Variants in PNPLA8 observed in about 807,000 individuals in gnomAD.
PNPLA8 encodes calcium-independent phospholipase A2-gamma.
PNPLA8 carries 39 observed loss-of-function variants against 76.9 expected under a neutral mutation model. The ratio of observed to expected loss-of-function variants is 0.51; its 90% CI spans 0.39 to 0.66. PNPLA8 has a LOEUF of 0.66. Ranked by LOEUF, PNPLA8 falls within the 30% of genes least tolerant of loss-of-function variation. PNPLA8 has a pLI of 0.00. For synonymous variants in PNPLA8, 301 were observed against 307.9 expected (o/e 0.98, Z 0.24); for missense variants, 887 against 918.0 (o/e 0.97, Z 0.44).
At chr7:108,507,758 A>C (rs1240406884) in intron 4 of PNPLA8, among the ~76,000 whole-genome samples, 1 of 152,206 alleles carries the variant, frequency 6.6e-6, no homozygotes, top group Non-Finnish European at 1.5e-5. Flanking sequence ...GCAACACCTT[A>C]CTTTGAAAAC....
intron 1 of PNPLA8, among the ~76,000 whole-genome samples, chr7:108,524,205 A>G (rs1863929732): frequency 6.6e-6 from 1 of 152,222 alleles, no homozygotes; most frequent in Non-Finnish European, 1.5e-5. Flanking sequence ...GGGATCAGGC[A>G]ACCTGAGTAA....
chr7:108,481,033 G>C lies in PNPLA8; in HGVS notation c.1879-1654C>G, dbSNP rs541454823. ...GAGCATGTCATCGAGACTAATCCAA[G>C]TAGTTGCATGTATCAATAGTTTACT... is the stretch of plus-strand genomic sequence containing the variant. On this transcript the variant is annotated intron_variant, in intron 9 of 10. Coordinates refer to ENST00000257694, the MANE Select transcript of PNPLA8 (RefSeq NM_001256007.3). Among the ~76,000 whole-genome samples, 6 of 152,142 alleles carry C rather than the reference G, an allele frequency of 3.9e-5. No individual in the cohort carries two copies. In the South Asian group the frequency reaches 1.2e-3, roughly 31 times the overall value.
At chr7:108,473,997 T>C (rs1859803308) in intron 10 of PNPLA8, among the ~76,000 whole-genome samples, 6 of 151,998 alleles carry the variant, frequency 3.9e-5, no homozygotes. Flanking sequence ...CAGCCTATTA[T>C]TTTATATATA....
rs1859664944 is a variant in PNPLA8, at chr7:108,472,121, A to G, written c.*280T>C. On this transcript the variant is annotated 3_prime_UTR_variant, in exon 11 of 11. Transcript: ENST00000257694. ...ATATATTAATATATTTTCAAACATC[A>G]AACAATATAACACCAATATCTACTA... is the stretch of plus-strand genomic sequence containing the variant. 4.4e-6 allele frequency: 1 copy of G among 227,092 alleles called. No individual in the cohort carries two copies. Among genetic ancestry groups the G allele is most frequent in the African/African-American group, 2.3e-5 (1 of 44,170 alleles). 14.1% of individuals were successfully genotyped at this position (227,092 alleles called of 1,614,324 possible). A position where few individuals can be genotyped will look rare whatever the true frequency, so the allele number is the denominator to read the frequency against.
In PNPLA8 at chr7:108,506,922, G is replaced by A. The variant is rs141423876; in HGVS notation, c.1207-4280C>T. 9.9e-5 allele frequency among the ~76,000 whole-genome samples: 15 copies of A among 152,132 alleles called. No individual in the cohort carries two copies. The East Asian group carries it at 1.9e-3, about 20-fold the overall frequency. On this transcript the variant is annotated intron_variant, in intron 4 of 10. Transcript: ENST00000257694. The stretch of plus-strand genomic sequence containing the variant: ...AAAAATCATGGAACTGTAAACTTAC[G>A]ATTTGTGTTGTTCTCTATATATAAT...
At chr7:108,480,976 T>C (rs1391624323) in intron 9 of PNPLA8, among the ~76,000 whole-genome samples, 1 of 137,994 alleles carries the variant, frequency 7.2e-6, no homozygotes, top group Non-Finnish European at 1.6e-5. Context: ...AATAATACAG[T>C]ATGGGACTTC....
intron 10 of PNPLA8, among the ~76,000 whole-genome samples, chr7:108,477,340 T>G (rs377569143): frequency 1.3e-5 from 2 of 152,166 alleles, no homozygotes; most frequent in African/African-American, 4.8e-5. Flanking sequence ...AAATTTCAGA[T>G]AGTGAAAAAT....
chr7:108,517,419 C>A (rs1346781106), intron 2 of PNPLA8, among the ~76,000 whole-genome samples: 1 of 152,210 alleles, frequency 6.6e-6, no homozygotes, highest in Non-Finnish European at 1.5e-5. Flanking sequence ...CCCAAAGGAG[C>A]TGAAGACTAA....
intron 7 of PNPLA8, among the ~76,000 whole-genome samples, chr7:108,493,007 G>A (rs1054678812): frequency 7.2e-5 from 11 of 152,206 alleles, no homozygotes; most frequent in Admixed American, 7.2e-4. Context: ...ACCAGGTGGA[G>A]AGAGAGGCTT....
At chr7:108,473,688 TC>T (rs1859781060) in intron 10 of PNPLA8, among the ~76,000 whole-genome samples, 1 of 152,214 alleles carries the variant, frequency 6.6e-6, no homozygotes, top group Non-Finnish European at 1.5e-5. Context: ...TTGTATATCT[TC>T]TTTAATGAAG....
At chr7:108,522,988 A>C (rs1055094084) in intron 1 of PNPLA8, among the ~76,000 whole-genome samples, 5 of 152,222 alleles carry the variant, frequency 3.3e-5, no homozygotes, top group African/African-American at 1.2e-4. Flanking sequence ...ATGCAAGGTA[A>C]GTGTTTTGAG....
intron 5 of PNPLA8, among the ~76,000 whole-genome samples, chr7:108,500,594 C>A (rs1021435710): frequency 6.6e-6 from 1 of 152,144 alleles, no homozygotes; most frequent in Non-Finnish European, 1.5e-5. Flanking sequence ...CTATGTCTAC[C>A]ATATCCTGTC....
intron 5 of PNPLA8, 75 bp from the exon 6 acceptor site, chr7:108,497,652 TC>T: frequency 1.4e-6 from 1 of 733,752 alleles, no homozygotes; most frequent in Non-Finnish European, 2.1e-6. Flanking sequence ...AATAAAACAA[TC>T]TAATAATTGC....
intron 8 of PNPLA8, 144 bp from the exon 9 acceptor site, chr7:108,488,097 C>A: frequency 2.3e-6 from 1 of 444,390 alleles, no homozygotes; most frequent in Non-Finnish European, 4.0e-6. Flanking sequence ...AGAATCAGAT[C>A]TTTTTAAACA....
intron 5 of PNPLA8, 94 bp from the exon 6 acceptor site, chr7:108,497,671 G>C: frequency 1.8e-6 from 1 of 558,062 alleles, no homozygotes. Flanking sequence ...TGCTTTTAGA[G>C]TTTATATGCT....
intron 4 of PNPLA8, 90 bp downstream of exon 4, chr7:108,514,054 G>C: frequency 1.1e-6 from 1 of 872,680 alleles, no homozygotes; most frequent in Non-Finnish European, 1.8e-6. Flanking sequence ...AATTCAAATG[G>C]AAAAATGAAA....
In PNPLA8 at chr7:108,471,479, T is replaced by G. The variant is rs1368856117; in HGVS notation, c.*922A>C. Reference sequence around the variant, plus strand: ...ATCTGCCTGCCTCGGCCTCCCAAAGTGCTGGGATTACAGGTGTGAGCTACT... The same window carrying G: ...ATCTGCCTGCCTCGGCCTCCCAAAGGGCTGGGATTACAGGTGTGAGCTACT... On this transcript the variant is annotated 3_prime_UTR_variant, in exon 11 of 11. Transcript: ENST00000257694. 6.6e-6 allele frequency: 1 copy of G among 152,284 alleles called. No homozygotes were observed. The allele number at this position is 152,284 out of a possible 1,614,324, so 9.4% of individuals were successfully genotyped here. A position where few individuals can be genotyped will look rare whatever the true frequency, so the allele number is the denominator to read the frequency against.
chr7:108,479,154 A>T, intron 10 of PNPLA8, 30 bp downstream of exon 10: 1 of 1,494,414 alleles, frequency 6.7e-7, no homozygotes, highest in Non-Finnish European at 9.3e-7. Context: ...CTAGAAGTTG[A>T]AGTATTTTAA....
Position 108,471,737 on chromosome 7 carries a change from G to A in PNPLA8, c.*664C>T, listed in dbSNP as rs959104195. On this transcript the variant is annotated 3_prime_UTR_variant, in exon 11 of 11. Transcript: ENST00000257694. Reference sequence around the variant, plus strand: ...TGTTAGATCTGGAAAAGTTAATATAGCATTATCTTGAAATTTCAGGGGTAA... The same window carrying A: ...TGTTAGATCTGGAAAAGTTAATATAACATTATCTTGAAATTTCAGGGGTAA... The A allele has an allele frequency of 6.6e-6, 1 of 152,086 alleles. No homozygotes were observed. Among genetic ancestry groups the A allele is most frequent in the Admixed American group, 6.5e-5 (1 of 15,274 alleles). 9.4% of individuals were successfully genotyped at this position (152,086 alleles called of 1,614,324 possible).
Sources: allele counts gnomAD v4.1 joint callset (sites outside exome capture counted in the v4.1 genomes callset), GRCh38; gene constraint gnomAD v4.1.1; transcripts MANE v1.5; gene names NCBI Gene and HGNC (gene_info 2026-07-23, HGNC 2026-07-21).